The following RBM27 variants were observed in gnomAD, a reference collection of about 807,000 sequenced individuals.
RBM27 encodes RNA binding motif protein 27, also known as RNA-binding protein 27.
In RBM27, 22 loss-of-function variants were observed where a neutral mutation model predicts 135.3. The observed-to-expected ratio is 0.16, with a 90% CI of 0.12 to 0.23. The LOEUF (loss-of-function observed/expected upper bound fraction) is 0.23, where lower values mean the gene tolerates loss of function less well. Ranked by LOEUF, RBM27 falls within the 10% of genes least tolerant of loss-of-function variation. The pLI is 1.00. For synonymous variants in RBM27, 481 were observed against 442.4 expected, an observed-to-expected ratio of 1.09 and a Z score of -1.10; for missense variants, 1,009 against 1,281.0, an observed-to-expected ratio of 0.79 and a Z score of 3.24.
intron 1 of RBM27, among the ~76,000 whole-genome samples, chr5:146,207,365 C>T (rs944242891): frequency 6.6e-6 from 1 of 151,984 alleles, no homozygotes; most frequent in Non-Finnish European, 1.5e-5. Flanking sequence ...AGGCGCCCGC[C>T]ACCATGCCCG....
chr5:146,271,110 T>G, intron 18 of RBM27, 52 bp downstream of exon 18: 1 of 1,453,422 alleles, frequency 6.9e-7, no homozygotes, highest in Non-Finnish European at 9.6e-7. Context: ...CTCAAAAAAG[T>G]TTTCCTTTGA....
chr5:146,225,917 C>T (rs568845177), intron 3 of RBM27, among the ~76,000 whole-genome samples: 5 of 152,038 alleles, frequency 3.3e-5, no homozygotes, highest in South Asian at 2.1e-4. Context: ...GGGTGGAGTG[C>T]GGTGGCGCGA....
intron 8 of RBM27, among the ~76,000 whole-genome samples, chr5:146,240,558 C>T (rs1757364477): frequency 6.6e-6 from 1 of 152,190 alleles, no homozygotes; most frequent in Non-Finnish European, 1.5e-5. Context: ...AACTCCTGAC[C>T]TCAGGTGATC....
At chr5:146,244,582 C>T (rs1262105234) in intron 8 of RBM27, among the ~76,000 whole-genome samples, 2 of 150,632 alleles carry the variant, frequency 1.3e-5, no homozygotes, top group African/African-American at 2.4e-5. Flanking sequence ...TGTTGTGCTG[C>T]CCAGACTGGA....
chr5:146,283,675 C>T (rs1000867638), intron 19 of RBM27, among the ~76,000 whole-genome samples: 44 of 152,110 alleles, frequency 2.9e-4, no homozygotes, highest in African/African-American at 1.0e-3. Flanking sequence ...GGAATTTTTC[C>T]CTTAGAACAC....
chr5:146,208,365 G>A (rs1417966082), intron 1 of RBM27, among the ~76,000 whole-genome samples: 2 of 152,132 alleles, frequency 1.3e-5, no homozygotes, highest in Admixed American at 6.6e-5. Context: ...TCCCTTTGTA[G>A]GTGGCGAACA....
At position 146,233,555 on chromosome 5, in the gene RBM27, C is replaced by T; in HGVS notation, c.956C>T (p.Pro319Leu). ...ALPSMIPFPP[P>L]PPGLPPPPPP... Reference sequence around the variant, plus strand: ...CCAAGTATGATTCCTTTCCCACCCCCTCCTCCTGGGCTTCCTCCTCCACCA... The same window carrying T: ...CCAAGTATGATTCCTTTCCCACCCCTTCCTCCTGGGCTTCCTCCTCCACCA... The change falls in exon 7 of 21, where the codon CCT (proline) becomes CTT (leucine). Residue 319 changes from proline to leucine, a missense_variant. Pro to Leu is a moderately conservative substitution (Grantham distance 98). This residue lies in a region of RBM27 where 329 missense variants were observed against 368.1 expected (regional missense o/e 0.89). Transcript: ENST00000265271. 1.2e-6 allele frequency: 2 copies of T among 1,613,438 alleles called. No individual in the cohort carries two copies. The highest frequency in any genetic ancestry group is 1.1e-5 in the South Asian group (1 of 90,998).
intron 8 of RBM27, among the ~76,000 whole-genome samples, chr5:146,250,691 C>G (rs777473018): frequency 1.4e-4 from 21 of 148,760 alleles, no homozygotes; most frequent in Non-Finnish European, 1.2e-4. Context: ...TGTTGTCTTT[C>G]AAAAAGTGCT....
chr5:146,269,378 G>A (rs1481880409), intron 16 of RBM27, 42 bp from the exon 17 acceptor site: 4 of 1,497,840 alleles, frequency 2.7e-6, no homozygotes, highest in Non-Finnish European at 1.8e-6. Context: ...TTATATTAAA[G>A]TTTATTAAGC....
At chr5:146,283,402 T>A (rs947607606) in intron 19 of RBM27, among the ~76,000 whole-genome samples, 1 of 152,000 alleles carries the variant, frequency 6.6e-6, no homozygotes, top group Non-Finnish European at 1.5e-5. Flanking sequence ...CCAGGTGAGG[T>A]GGTGCATGCC....
At chr5:146,261,841 G>C in intron 13 of RBM27, 35 bp downstream of exon 13, 1 of 1,609,690 alleles carries the variant, frequency 6.2e-7, no homozygotes. Flanking sequence ...AGGTCTTTTA[G>C]TTACACCCTC....
chr5:146,241,063 G>T (rs778771288), intron 8 of RBM27, among the ~76,000 whole-genome samples: 5 of 152,050 alleles, frequency 3.3e-5, no homozygotes, highest in Non-Finnish European at 7.4e-5. Flanking sequence ...TTGTAAATAT[G>T]AAAAAGTGGA....
chr5:146,238,712 A>G (rs1260759772), intron 8 of RBM27, among the ~76,000 whole-genome samples: 1 of 134,700 alleles, frequency 7.4e-6, no homozygotes, highest in African/African-American at 2.8e-5. Flanking sequence ...TTCCTCTTTT[A>G]TGTAACTATG....
intron 12 of RBM27, 143 bp downstream of exon 12, chr5:146,261,041 A>C: frequency 1.3e-6 from 1 of 782,518 alleles, no homozygotes; most frequent in South Asian, 1.9e-5. Flanking sequence ...ATATCTATAT[A>C]CCCACTTTTA....
At chr5:146,223,829 G>T (rs1175791119) in intron 3 of RBM27, among the ~76,000 whole-genome samples, 1 of 152,138 alleles carries the variant, frequency 6.6e-6, no homozygotes, top group Non-Finnish European at 1.5e-5. Context: ...GACTGAAAGT[G>T]AACTGTTAAC....
chr5:146,234,012 G>GTATT (rs1265747797), intron 7 of RBM27, among the ~76,000 whole-genome samples: 1 of 152,032 alleles, frequency 6.6e-6, no homozygotes, highest in African/African-American at 2.4e-5. Context: ...AAGAAAGCCA[G>GTATT]TATTTATTTA....
chr5:146,221,469 T>C (rs968607733), intron 2 of RBM27, among the ~76,000 whole-genome samples: 8 of 152,180 alleles, frequency 5.3e-5, no homozygotes, highest in African/African-American at 1.7e-4. Flanking sequence ...GTTTCGCTCT[T>C]GTTGCCCAGG....
chr5:146,225,342 T>C (rs1016405319), intron 3 of RBM27, among the ~76,000 whole-genome samples: 2 of 152,194 alleles, frequency 1.3e-5, no homozygotes, highest in Non-Finnish European at 2.9e-5. Context: ...CATTTAGTTA[T>C]CATTTCCGAT....
intron 6 of RBM27, among the ~76,000 whole-genome samples, 168 bp downstream of exon 6, chr5:146,231,085 G>A (rs1019087417): frequency 6.6e-6 from 1 of 151,704 alleles, no homozygotes; most frequent in South Asian, 2.1e-4. Context: ...GCAGTGGCTC[G>A]ATCTTGGCTC....
Sources: gnomAD v4.1 joint callset for allele counts (sites outside exome capture counted in the v4.1 genomes callset) on GRCh38, gnomAD v4.1.1 for gene constraint, gnomAD v4.1.1 regional missense constraint, MANE v1.5 for transcripts, NCBI Gene and HGNC (gene_info 2026-07-23, HGNC 2026-07-21) for gene names.